Variants in GPC6 observed in about 807,000 individuals in gnomAD.
GPC6 encodes glypican-6.
In GPC6, 14 loss-of-function variants were observed where a neutral mutation model predicts 55.2. The ratio of observed to expected loss-of-function variants is 0.25; its 90% CI spans 0.17 to 0.40. The LOEUF (loss-of-function observed/expected upper bound fraction) is 0.40. GPC6 is among the 10% of genes least tolerant of loss of function. The probability of loss-of-function intolerance (pLI) is 1.00; values close to 1 mark genes in which losing one functional copy is unlikely to be tolerated. For missense variants in GPC6, 641 were observed against 708.5 expected, an observed-to-expected ratio of 0.90 and a Z score of 1.08; for synonymous variants, 278 against 259.6, an observed-to-expected ratio of 1.07 and a Z score of -0.68.
upstream of GPC6, among the ~76,000 whole-genome samples, chr13:93,222,688 T>C (rs554397032): frequency 4.9e-4 from 74 of 152,374 alleles, 2 homozygotes; most frequent in South Asian, 0.013. Flanking sequence ...TTTGCAACTA[T>C]TCACTGTCTC....
intron 1 of GPC6, among the ~76,000 whole-genome samples, chr13:93,341,994 G>T (rs1277906128): frequency 6.6e-6 from 1 of 150,746 alleles, no homozygotes; most frequent in African/African-American, 2.4e-5. Context: ...TTGGCTCACT[G>T]AGTAGCTGGG....
chr13:93,946,630 T>A (rs1879023598), intron 3 of GPC6, among the ~76,000 whole-genome samples: 1 of 152,194 alleles, frequency 6.6e-6, no homozygotes, highest in African/African-American at 2.4e-5. Flanking sequence ...TGAGTATGAA[T>A]TTTTATTCCA....
intron 4 of GPC6, among the ~76,000 whole-genome samples, chr13:94,100,235 C>A (rs1393818990): frequency 6.6e-6 from 1 of 152,034 alleles, no homozygotes; most frequent in Non-Finnish European, 1.5e-5. Flanking sequence ...AAGAAGAAAG[C>A]TAAGCAAATA....
chr13:93,314,755 G>A (rs1160937256), intron 1 of GPC6, among the ~76,000 whole-genome samples: 1 of 126,422 alleles, frequency 7.9e-6, no homozygotes, highest in African/African-American at 3.1e-5. Context: ...GTGTGTGTGT[G>A]TGCACGCATG....
chr13:94,141,829 A>G (rs1887388856), intron 4 of GPC6, among the ~76,000 whole-genome samples: 1 of 152,170 alleles, frequency 6.6e-6, no homozygotes, highest in African/African-American at 2.4e-5. Context: ...TGTTCAATGC[A>G]CTCACTGAAT....
intron 5 of GPC6, among the ~76,000 whole-genome samples, chr13:94,289,039 C>T (rs1395100045): frequency 6.7e-6 from 1 of 149,290 alleles, no homozygotes; most frequent in African/African-American, 2.5e-5. Context: ...CTCACTAAAA[C>T]TCCATGAGTG....
intron 1 of GPC6, among the ~76,000 whole-genome samples, chr13:93,303,351 A>G (rs1020014573): frequency 3.9e-5 from 6 of 152,218 alleles, no homozygotes; most frequent in Admixed American, 3.9e-4. Context: ...CTATCTCATG[A>G]TTGTTGGGAA....
chr13:93,656,918 A>T (rs766678591), intron 2 of GPC6, among the ~76,000 whole-genome samples: 3 of 152,080 alleles, frequency 2.0e-5, no homozygotes, highest in African/African-American at 4.8e-5. Context: ...ATTCTCTACA[A>T]TGAGAATTAC....
chr13:94,090,382 TATC>T (rs2138810517), intron 4 of GPC6, among the ~76,000 whole-genome samples: 1 of 152,280 alleles, frequency 6.6e-6, no homozygotes, highest in South Asian at 2.1e-4. Flanking sequence ...ACCATATCAT[TATC>T]ATTTCTATTA....
chr13:93,345,142 T>C (rs1880384982), intron 1 of GPC6, among the ~76,000 whole-genome samples: 1 of 152,160 alleles, frequency 6.6e-6, no homozygotes, highest in Non-Finnish European at 1.5e-5. Flanking sequence ...TTGCTGGATT[T>C]CAGAACATCC....
At chr13:93,794,400 AC>A (rs1244426370) in intron 2 of GPC6, among the ~76,000 whole-genome samples, 8 of 152,308 alleles carry the variant, frequency 5.3e-5, no homozygotes, top group South Asian at 2.1e-4. Context: ...GGTTTCACAC[AC>A]CCTGTGGGTG....
chr13:93,350,887 T>C (rs12428081), intron 1 of GPC6, among the ~76,000 whole-genome samples: 11,186 of 152,220 alleles, frequency 0.073, 522 homozygotes, highest in East Asian at 0.12. Flanking sequence ...ATATATTCTT[T>C]TCTTTTTTTA....
At chr13:93,613,267 A>G (rs1386176860) in intron 2 of GPC6, among the ~76,000 whole-genome samples, 1 of 152,186 alleles carries the variant, frequency 6.6e-6, no homozygotes, top group Non-Finnish European at 1.5e-5. Context: ...AGCAACAATA[A>G]TAATCAGATT....
At chr13:94,319,746 G>A (rs546785057) in intron 6 of GPC6, among the ~76,000 whole-genome samples, 3 of 152,150 alleles carry the variant, frequency 2.0e-5, no homozygotes, top group Non-Finnish European at 4.4e-5. Flanking sequence ...CTGTTGAGAA[G>A]TTTGCTATCA....
chr13:93,990,062 G>A (rs539100654), intron 3 of GPC6, among the ~76,000 whole-genome samples: 6 of 151,656 alleles, frequency 4.0e-5, no homozygotes, highest in South Asian at 2.1e-4. Flanking sequence ...TCATGGAAAT[G>A]TACATTTTTG....
At chr13:93,544,365 A>T (rs947187737) in intron 1 of GPC6, among the ~76,000 whole-genome samples, 1 of 152,116 alleles carries the variant, frequency 6.6e-6, no homozygotes, top group African/African-American at 2.4e-5. Context: ...CACTTTGTTC[A>T]TTTGTTTTCA....
At chr13:94,328,460 G>T (rs1877237509) in intron 6 of GPC6, among the ~76,000 whole-genome samples, 1 of 152,188 alleles carries the variant, frequency 6.6e-6, no homozygotes, top group African/African-American at 2.4e-5. Flanking sequence ...AAAGCCACAC[G>T]AAGACTTCCT....
intron 3 of GPC6, among the ~76,000 whole-genome samples, chr13:93,895,435 CAA>C (rs1023463353): frequency 2.1e-4 from 32 of 151,476 alleles, no homozygotes; most frequent in Admixed American, 4.6e-4. Context: ...TTCTGGCTAT[CAA>C]TGTGGTTAGA....
At chr13:94,359,129 T>G (rs1430594223) in intron 6 of GPC6, among the ~76,000 whole-genome samples, 3 of 152,190 alleles carry the variant, frequency 2.0e-5, no homozygotes, top group Non-Finnish European at 4.4e-5. Context: ...GAAAAAACAT[T>G]GAGAAACCCT....
Sources: allele counts gnomAD v4.1 joint callset (sites outside exome capture counted in the v4.1 genomes callset), GRCh38; gene constraint gnomAD v4.1.1; transcripts MANE v1.5; gene names NCBI Gene and HGNC (gene_info 2026-07-23, HGNC 2026-07-21).